The following MACF1 variants were observed in gnomAD, a reference collection of about 807,000 sequenced individuals.
The protein encoded by MACF1 is microtubule-actin cross-linking factor 1.
In MACF1, 193 loss-of-function variants were observed where a neutral mutation model predicts 854.8. The ratio of observed to expected loss-of-function variants is 0.23; its 90% CI spans 0.20 to 0.25. The LOEUF is 0.25. MACF1 is among the 10% of genes least tolerant of loss of function. MACF1 has a pLI of 1.00. For missense variants in MACF1, 7,722 were observed against 8,929.1 expected, an observed-to-expected ratio of 0.86 and a Z score of 5.45; for synonymous variants, 3,185 against 3,226.7, an observed-to-expected ratio of 0.99 and a Z score of 0.44.
intron 49 of MACF1, 81 bp downstream of exon 49, chr1:39,361,758 A>G (rs533523365): frequency 8.2e-6 from 11 of 1,339,582 alleles, no homozygotes; most frequent in Admixed American, 3.7e-5. Context: ...AGCGCATACT[A>G]CATCAGTCAG....
chr1:39,393,834 A>G lies in MACF1; in HGVS notation c.15816+5176A>G, dbSNP rs542252383. ...AAAAAAAAGAAAGAAAGACAGAGAG[A>G]GAGGGAGGGAGGGAGAGAGAGAGAG... On this transcript the variant is annotated intron_variant, in intron 58 of 100. Coordinates refer to ENST00000564288, the MANE Select transcript of MACF1 (RefSeq NM_001394062.1). Among the ~76,000 whole-genome samples the G allele has an allele frequency of 2.6e-4, 36 of 138,310 alleles. 1 individual carries two copies. The East Asian group carries it at 5.4e-3, about 21-fold the overall frequency. The allele number at this position is 138,310 out of a possible 152,430, so 90.7% of individuals were successfully genotyped here. A position where few individuals can be genotyped will look rare whatever the true frequency, so the allele number is the denominator to read the frequency against.
chr1:39,232,755 T>TG (rs1644795796), intron 2 of MACF1, among the ~76,000 whole-genome samples: 1 of 30,872 alleles, frequency 3.2e-5, no homozygotes. Context: ...TGTTTTTTTT[T>TG]TTTTTTTTTT....
intron 26 of MACF1, among the ~76,000 whole-genome samples, chr1:39,312,966 C>T (rs905135352): frequency 2.0e-5 from 3 of 152,176 alleles, no homozygotes; most frequent in African/African-American, 7.2e-5. Flanking sequence ...AAGGAAGGTC[C>T]AGGATTCAGT....
chr1:39,426,789 C>T (rs956612459), intron 61 of MACF1, among the ~76,000 whole-genome samples: 4 of 151,028 alleles, frequency 2.6e-5, no homozygotes, highest in Admixed American at 6.6e-5. Flanking sequence ...GGGGGGGGTG[C>T]TTTTTGTGTT....
chr1:39,234,369 G>A (rs1259266259), intron 2 of MACF1, among the ~76,000 whole-genome samples: 10 of 151,418 alleles, frequency 6.6e-5, no homozygotes, highest in African/African-American at 2.2e-4. Flanking sequence ...GGGGCGGCCG[G>A]GCAGAGGCGC....
chr1:39,132,715 T>G (rs1025875476), intron 2 of MACF1, among the ~76,000 whole-genome samples: 2 of 152,186 alleles, frequency 1.3e-5, no homozygotes, highest in South Asian at 4.1e-4. Flanking sequence ...GCATATTTTC[T>G]GAGTACCAGG....
chr1:39,101,874 AAAG>A (rs1642087712), intron 2 of MACF1, among the ~76,000 whole-genome samples: 1 of 147,412 alleles, frequency 6.8e-6, no homozygotes, highest in South Asian at 2.2e-4. Flanking sequence ...GAAAGAAAGA[AAAG>A]AGAGAGAGAA....
At chr1:39,307,626 G>A (rs1213459389) in intron 23 of MACF1, among the ~76,000 whole-genome samples, 1 of 152,138 alleles carries the variant, frequency 6.6e-6, no homozygotes, top group Non-Finnish European at 1.5e-5. Flanking sequence ...AGGCTGGAGT[G>A]CAGTGGCGCG....
chr1:39,253,020 A>G (rs934329104), intron 4 of MACF1, among the ~76,000 whole-genome samples: 41 of 152,316 alleles, frequency 2.7e-4, no homozygotes, highest in Admixed American at 2.5e-3. Context: ...AATTAGTGTC[A>G]ATTTGACACT....
intron 1 of MACF1, among the ~76,000 whole-genome samples, chr1:39,213,523 C>G (rs899897752): frequency 6.6e-6 from 1 of 151,950 alleles, no homozygotes; most frequent in Admixed American, 6.6e-5. Flanking sequence ...TAGTTAGAGT[C>G]GGGGTTTTAC....
intron 2 of MACF1, among the ~76,000 whole-genome samples, chr1:39,160,897 T>C (rs535453446): frequency 1.8e-3 from 267 of 152,356 alleles, no homozygotes; most frequent in Middle Eastern, 0.01. Context: ...GAAGGGCTGA[T>C]GGAAAGAGGT....
intron 36 of MACF1, among the ~76,000 whole-genome samples, chr1:39,327,747 T>C (rs901499674): frequency 2.7e-4 from 41 of 152,216 alleles, no homozygotes; most frequent in Non-Finnish European, 7.3e-5. Flanking sequence ...TGTGAACCTC[T>C]TCCCTCTATA....
chr1:39,429,944 C>G lies in MACF1; in HGVS notation c.17006C>G (p.Thr5669Ser), dbSNP rs1321678558. ...RTLEQARQLATKFQSTYEELT... is the reference protein window; with the variant it reads ...RTLEQARQLASKFQSTYEELT... Reference sequence around the variant, plus strand: ...TTAGAGCAAGCCCGGCAGCTGGCCACCAAGTTCCAGTCTACTTATGAGGAA... The same window carrying G: ...TTAGAGCAAGCCCGGCAGCTGGCCAGCAAGTTCCAGTCTACTTATGAGGAA... The change falls in exon 65 of 101, where the codon ACC (threonine) becomes AGC (serine). Residue 5669 changes from threonine (T) to serine (S), a missense_variant. Coordinates refer to ENST00000564288, the MANE Select transcript of MACF1 (RefSeq NM_001394062.1). 3.7e-6 allele frequency: 6 copies of G among 1,613,946 alleles called. No homozygotes were observed. The highest frequency in any genetic ancestry group is 2.2e-5 in the South Asian group (2 of 91,080).
At chr1:39,479,209 G>A (rs932517843) in intron 97 of MACF1, among the ~76,000 whole-genome samples, 9 of 152,038 alleles carry the variant, frequency 5.9e-5, no homozygotes, top group Admixed American at 4.6e-4. Flanking sequence ...AGCAAGTTTT[G>A]TGCATGGTCT....
intron 14 of MACF1, among the ~76,000 whole-genome samples, chr1:39,286,502 T>G (rs1336914090): frequency 6.6e-6 from 1 of 151,562 alleles, no homozygotes; most frequent in Non-Finnish European, 1.5e-5. Context: ...CATCTTGCTC[T>G]GTAGCCCAGG....
intron 1 of MACF1, among the ~76,000 whole-genome samples, chr1:39,208,808 A>G (rs563544281): frequency 2.6e-5 from 4 of 152,050 alleles, no homozygotes; most frequent in South Asian, 4.2e-4. Flanking sequence ...TATTTTTAGT[A>G]GAGACGGGGT....
chr1:39,264,715 G>A (rs562050314), intron 6 of MACF1, among the ~76,000 whole-genome samples: 3 of 142,914 alleles, frequency 2.1e-5, no homozygotes, highest in African/African-American at 5.2e-5. Context: ...CGCCCAGGCC[G>A]GACTGCGGAC....
chr1:39,358,660 TTGCTTAAGTC>T, intron 45 of MACF1, 27 bp from the exon 46 acceptor site: 1 of 1,604,614 alleles, frequency 6.2e-7, no homozygotes, highest in Non-Finnish European at 8.5e-7. Flanking sequence ...TGGCCTGACC[TTGCTTAAGTC>T]TGCTTACCTT....
intron 21 of MACF1, chr1:39,298,618 T>G (rs1317185793): frequency 4.6e-6 from 2 of 432,518 alleles, no homozygotes; most frequent in South Asian, 3.4e-5. Context: ...AATTTGAGCA[T>G]TTGTGAATTT....
Sources: gnomAD v4.1 joint callset for allele counts (sites outside exome capture counted in the v4.1 genomes callset) on GRCh38, gnomAD v4.1.1 for gene constraint, MANE v1.5 for transcripts, NCBI Gene and HGNC (gene_info 2026-07-23, HGNC 2026-07-21) for gene names.